Variants in CPB2 observed in about 807,000 individuals in gnomAD.
CPB2 encodes the protein carboxypeptidase B-like protein.
A neutral mutation model predicts 57.0 loss-of-function variants in CPB2; 54 were observed. The ratio of observed to expected loss-of-function variants is 0.95; its 90% CI spans 0.76 to 1.19. The LOEUF (loss-of-function observed/expected upper bound fraction) is 1.19. Ranked by LOEUF, CPB2 falls within the 50% of genes most tolerant of loss-of-function variation. CPB2 has a pLI of 0.00. For missense variants in CPB2, 426 were observed against 512.0 expected (o/e 0.83, Z 1.62); for synonymous variants, 189 against 178.1 (o/e 1.06, Z -0.49).
intron 8 of CPB2, among the ~76,000 whole-genome samples, chr13:46,064,259 C>G: frequency 6.9e-6 from 1 of 145,730 alleles, no homozygotes; most frequent in South Asian, 2.2e-4. Flanking sequence ...GACTCTGTCT[C>G]AAAAAAAAAA....
chr13:46,054,895 C>T lies in CPB2; in HGVS notation c.1087+867G>A, dbSNP rs148156486. On this transcript the variant is annotated intron_variant, in intron 10 of 10. Coordinates refer to ENST00000181383, the MANE Select transcript of CPB2 (RefSeq NM_001872.5). Reference sequence around the variant, plus strand: ...CCAACCAAGTAGCTGGCATTACAGGCGCCTGCCACCATGCCCAGCTAATTT... The same window carrying T: ...CCAACCAAGTAGCTGGCATTACAGGTGCCTGCCACCATGCCCAGCTAATTT... Among the ~76,000 whole-genome samples the T allele has an allele frequency of 8.3e-3, 1,207 of 145,086 alleles. 23 individuals carry two copies. The highest frequency in any genetic ancestry group is 0.028 in the African/African-American group (1,074 of 37,696).
At chr13:46,080,971 CA>C (rs11412601) in intron 4 of CPB2, among the ~76,000 whole-genome samples, 322 of 98,620 alleles carry the variant, frequency 3.3e-3, no homozygotes, top group African/African-American at 8.8e-3. Context: ...AACTCTGTCT[CA>C]AAAAAAAAAA....
chr13:46,103,558 C>T (rs1373785942), intron 1 of CPB2, among the ~76,000 whole-genome samples: 1 of 152,168 alleles, frequency 6.6e-6, no homozygotes, highest in African/African-American at 2.4e-5. Context: ...GGCTCAGTTT[C>T]CTCCTTTGTA....
At chr13:46,075,145 G>T (rs2045002950) in intron 5 of CPB2, among the ~76,000 whole-genome samples, 1 of 152,202 alleles carries the variant, frequency 6.6e-6, no homozygotes. Context: ...TATTTAGATT[G>T]TCATTTGAAC....
At chr13:46,067,957 G>A (rs559536034) in intron 6 of CPB2, among the ~76,000 whole-genome samples, 4 of 152,238 alleles carry the variant, frequency 2.6e-5, no homozygotes, top group South Asian at 2.1e-4. Flanking sequence ...AATTCCTAAC[G>A]GACATCATCT....
intron 6 of CPB2, among the ~76,000 whole-genome samples, chr13:46,068,714 C>T (rs1209467302): frequency 1.7e-4 from 25 of 151,478 alleles, no homozygotes; most frequent in Non-Finnish European, 3.7e-4. Flanking sequence ...CCGACAGGCC[C>T]CGGTGTGTGA....
At chr13:46,065,213 A>T (rs1260727779) in intron 7 of CPB2, among the ~76,000 whole-genome samples, 2 of 152,198 alleles carry the variant, frequency 1.3e-5, no homozygotes, top group Non-Finnish European at 2.9e-5. Context: ...AAAGGTGGAG[A>T]TGTGAAGACA....
intron 5 of CPB2, among the ~76,000 whole-genome samples, chr13:46,076,632 T>C (rs1485613622): frequency 1.3e-5 from 2 of 152,118 alleles, no homozygotes; most frequent in Non-Finnish European, 2.9e-5. Flanking sequence ...AAAAAAATTC[T>C]AAAATTCATA....
intron 7 of CPB2, among the ~76,000 whole-genome samples, chr13:46,065,568 A>G (rs1337017229): frequency 1.4e-5 from 2 of 142,124 alleles, no homozygotes; most frequent in African/African-American, 2.6e-5. Context: ...CGGAGCTTGC[A>G]GTGAGCCGAG....
rs1731439282 is a variant in CPB2 at position 46,082,151 on chromosome 13, A to C, written c.384+290T>G. The stretch of plus-strand genomic sequence containing the variant: ...TTTTTTGGTGGCAGTTTTAATTAAA[A>C]GCCCCAATTCTTTAATTTCTGTTGT... On this transcript the variant is annotated intron_variant, in intron 4 of 10. Coordinates refer to ENST00000181383, the MANE Select transcript of CPB2 (RefSeq NM_001872.5). Among the ~76,000 whole-genome samples, 4 of 152,206 alleles carry C rather than the reference A, an allele frequency of 2.6e-5. No homozygotes were observed. In the South Asian group the frequency reaches 8.3e-4, roughly 32 times the overall value.
chr13:46,072,031 C>T (rs1009000637), intron 6 of CPB2, among the ~76,000 whole-genome samples: 2 of 152,096 alleles, frequency 1.3e-5, no homozygotes, highest in Non-Finnish European at 2.9e-5. Context: ...AGCCCTGTGC[C>T]GGATTTTGGC....
chr13:46,059,593 A>G (rs1449309011), intron 8 of CPB2, among the ~76,000 whole-genome samples: 1 of 151,830 alleles, frequency 6.6e-6, no homozygotes, highest in East Asian at 1.9e-4. Context: ...CATCATCATC[A>G]TCATCATCAT....
intron 6 of CPB2, among the ~76,000 whole-genome samples, chr13:46,068,341 C>A (rs779100530): frequency 6.6e-6 from 1 of 152,020 alleles, no homozygotes; most frequent in African/African-American, 2.4e-5. Flanking sequence ...TCCCTTTAAA[C>A]GTTTAAAATA....
intron 8 of CPB2, among the ~76,000 whole-genome samples, chr13:46,062,332 C>T (rs1437702339): frequency 2.0e-5 from 3 of 152,180 alleles, no homozygotes; most frequent in Non-Finnish European, 4.4e-5. Context: ...ATACTTGCTA[C>T]GTGCCCTTGA....
intron 8 of CPB2, among the ~76,000 whole-genome samples, chr13:46,063,809 G>T (rs977524249): frequency 6.6e-6 from 1 of 151,908 alleles, no homozygotes; most frequent in African/African-American, 2.4e-5. Flanking sequence ...TAACTCATTC[G>T]AATTAAGAAA....
At chr13:46,090,393 C>T (rs1167323550) in intron 1 of CPB2, among the ~76,000 whole-genome samples, 1 of 138,026 alleles carries the variant, frequency 7.2e-6, no homozygotes, top group Non-Finnish European at 1.5e-5. Flanking sequence ...GATGGAGTCT[C>T]ACTCTGTCAC....
chr13:46,101,754 C>T (rs1040204631), intron 1 of CPB2, among the ~76,000 whole-genome samples: 2 of 152,142 alleles, frequency 1.3e-5, no homozygotes, highest in Non-Finnish European at 2.9e-5. Flanking sequence ...AGCAAATTGC[C>T]CAAGTCTGCA....
chr13:46,082,154 C>G (rs928654057), intron 4 of CPB2, among the ~76,000 whole-genome samples: 3 of 151,946 alleles, frequency 2.0e-5, no homozygotes, highest in African/African-American at 7.3e-5. Flanking sequence ...AATTAAAAGC[C>G]CCAATTCTTT....
intron 4 of CPB2, among the ~76,000 whole-genome samples, chr13:46,081,408 G>A (rs976149099): frequency 6.6e-6 from 1 of 152,122 alleles, no homozygotes; most frequent in African/African-American, 2.4e-5. Flanking sequence ...TCTGCATCAA[G>A]TTTGCTCATG....
Sources: gnomAD v4.1 joint callset for allele counts (sites outside exome capture counted in the v4.1 genomes callset) on GRCh38, gnomAD v4.1.1 for gene constraint, MANE v1.5 for transcripts, NCBI Gene and HGNC (gene_info 2026-07-23, HGNC 2026-07-21) for gene names.